UGGT1: variants seen among roughly 807,000 people sequenced by gnomAD.
UGGT1 encodes the protein UDP-glucose:glycoprotein glucosyltransferase 1.
Under a neutral mutation model 203.9 loss-of-function variants are expected in UGGT1, and 107 were observed. The ratio of observed to expected loss-of-function variants is 0.52; its 90% CI spans 0.45 to 0.62. UGGT1 has a LOEUF of 0.62. Among genes scored for constraint, UGGT1 ranks in the 20% least tolerant of loss-of-function variants. The pLI is 0.00. For missense variants in UGGT1, 1,673 were observed against 1,867.2 expected (o/e 0.90, Z 1.92); for synonymous variants, 628 against 653.5 (o/e 0.96, Z 0.59).
chr2:128,142,895 C>G (rs561710948), intron 16 of UGGT1, among the ~76,000 whole-genome samples, 199 bp from the exon 17 acceptor site: 7 of 151,178 alleles, frequency 4.6e-5, no homozygotes, highest in Admixed American at 4.0e-4. Flanking sequence ...ACAGGAGATT[C>G]ACACGAATCC....
At chr2:128,135,561 A>G (rs942136418) in intron 15 of UGGT1, among the ~76,000 whole-genome samples, 4 of 152,252 alleles carry the variant, frequency 2.6e-5, no homozygotes. Flanking sequence ...GAAAATAAAG[A>G]AGAAAATAAC....
chr2:128,173,851 C>G lies in UGGT1; in HGVS notation c.3365C>G (p.Thr1122Ser), dbSNP rs1272643285. 4.3e-6 allele frequency: 7 copies of G among 1,614,180 alleles called. No homozygotes were observed. The highest frequency in any genetic ancestry group is 5.9e-6 in the Non-Finnish European group (7 of 1,180,034). ...LLLEGHCYDI[T>S]TGQPPRGLQF... is the part of the protein sequence containing the mutation. Reference sequence around the variant, plus strand: ...CTGGAAGGTCATTGCTACGACATCACCACAGGCCAGCCTCCACGGGGACTA... The same window carrying G: ...CTGGAAGGTCATTGCTACGACATCAGCACAGGCCAGCCTCCACGGGGACTA... The change falls in exon 30 of 41, where the codon ACC (threonine) becomes AGC (serine). Residue 1122 changes from threonine (T) to serine (S), a missense_variant. Transcript: ENST00000259253.
chr2:128,186,666 T>G lies in UGGT1; in HGVS notation c.4360-17T>G. 6.3e-7 allele frequency: 1 copy of G among 1,574,816 alleles called. No homozygotes were observed. On this transcript the variant is annotated splice_polypyrimidine_tract_variant and intron_variant, in intron 38 of 40. Transcript: ENST00000259253. ...TAGATACATGTATTTTATTTTTATTTTTTTTTAACCAAACAGGATCTGCCC... is the reference window on the plus strand; with the variant it reads ...TAGATACATGTATTTTATTTTTATTGTTTTTTAACCAAACAGGATCTGCCC...
chr2:128,120,343 A>G lies in UGGT1; in HGVS notation c.873-13A>G, dbSNP rs761002944. 1 of 1,605,192 alleles carries G rather than the reference A, an allele frequency of 6.2e-7. No homozygotes were observed. The highest frequency in any genetic ancestry group is 1.1e-5 in the South Asian group (1 of 89,450). On this transcript the variant is annotated splice_polypyrimidine_tract_variant and intron_variant, in intron 8 of 40. Transcript: ENST00000259253. ...AAAATAATGAAAAGGACTGATTTTTATGTTTCTTTTAGAGATCTGCACCCC... is the reference window on the plus strand; with the variant it reads ...AAAATAATGAAAAGGACTGATTTTTGTGTTTCTTTTAGAGATCTGCACCCC...
intron 3 of UGGT1, 105 bp from the exon 4 acceptor site, chr2:128,107,824 GGTAAAACTT>G (rs1687671342): frequency 1.4e-6 from 2 of 1,409,260 alleles, no homozygotes; most frequent in Admixed American, 3.8e-5. Context: ...ACAATATACT[GGTAAAACTT>G]GCCTTCACAT....
intron 7 of UGGT1, among the ~76,000 whole-genome samples, chr2:128,115,898 A>T (rs1402816057): frequency 1.3e-5 from 2 of 152,216 alleles, no homozygotes; most frequent in African/African-American, 4.8e-5. Flanking sequence ...TTGACTAATT[A>T]TAAATTCTTC....
chr2:128,094,993 C>T (rs1687045832), intron 1 of UGGT1, among the ~76,000 whole-genome samples: 1 of 152,090 alleles, frequency 6.6e-6, no homozygotes, highest in Admixed American at 6.6e-5. Context: ...AGGTGATCCA[C>T]CCACCTCAGC....
At chr2:128,129,218 C>A in intron 13 of UGGT1, 39 bp downstream of exon 13, 1 of 1,566,904 alleles carries the variant, frequency 6.4e-7, no homozygotes, top group African/African-American at 1.4e-5. Context: ...ACTTTCTGAC[C>A]AGGAATCTTT....
intron 25 of UGGT1, 65 bp downstream of exon 25, chr2:128,161,333 G>GA: frequency 6.4e-7 from 1 of 1,566,736 alleles, no homozygotes; most frequent in Non-Finnish European, 8.7e-7. Flanking sequence ...TGATCAGTTA[G>GA]AATTATATGT....
intron 14 of UGGT1, among the ~76,000 whole-genome samples, chr2:128,133,909 C>G (rs1248272091): frequency 2.0e-5 from 3 of 152,046 alleles, no homozygotes; most frequent in Non-Finnish European, 4.4e-5. Flanking sequence ...CCCACTTTTT[C>G]CCTCTCATTT....
intron 17 of UGGT1, among the ~76,000 whole-genome samples, chr2:128,144,320 A>T (rs1689576392): frequency 6.6e-6 from 1 of 152,220 alleles, no homozygotes; most frequent in Non-Finnish European, 1.5e-5. Context: ...GCTGTTTGAT[A>T]ATTGTGCTGC....
chr2:128,164,525 T>C (rs972482025), intron 25 of UGGT1, among the ~76,000 whole-genome samples: 1 of 152,238 alleles, frequency 6.6e-6, no homozygotes, highest in Non-Finnish European at 1.5e-5. Flanking sequence ...GCGTGGGTGC[T>C]GTCTCCATTT....
chr2:128,124,394 T>C (rs1334960345), intron 11 of UGGT1, among the ~76,000 whole-genome samples: 1 of 152,204 alleles, frequency 6.6e-6, no homozygotes, highest in Non-Finnish European at 1.5e-5. Flanking sequence ...CTGAAGCCTT[T>C]GTATGAGATC....
At chr2:128,123,050 T>G in intron 10 of UGGT1, 136 bp from the exon 11 acceptor site, 1 of 556,052 alleles carries the variant, frequency 1.8e-6, no homozygotes, top group Non-Finnish European at 3.1e-6. Flanking sequence ...TATTTATCAA[T>G]TATAAAAATT....
intron 16 of UGGT1, among the ~76,000 whole-genome samples, chr2:128,142,640 G>A (rs989907346): frequency 1.3e-5 from 2 of 149,768 alleles, no homozygotes; most frequent in Non-Finnish European, 3.0e-5. Context: ...ATCTTAGTAA[G>A]GTATATGGAA....
chr2:128,182,121 A>G lies in UGGT1; in HGVS notation c.4084-9A>G, dbSNP rs17793615. 0.21 allele frequency: 332,209 copies of G among 1,609,782 alleles called. 36,495 individuals carry two copies. The highest frequency in any genetic ancestry group is 0.32 in the South Asian group (28,596 of 90,496). On this transcript the variant is annotated splice_polypyrimidine_tract_variant and intron_variant, in intron 36 of 40. Coordinates refer to ENST00000259253, the MANE Select transcript of UGGT1 (RefSeq NM_020120.4). ...GGTTGCTTAACAAATGACTTTTTAT[A>G]TTCTCCAGATTGTACGAACAGATCT...
chr2:128,171,253 C>T lies in UGGT1; in HGVS notation c.3073C>T (p.Gln1025Ter), dbSNP rs757882355. The change falls in exon 28 of 41, where the codon CAA becomes TAA. Residue 1025 changes from glutamine (Q) to a stop codon, truncating the protein, a stop_gained. Coordinates refer to ENST00000259253, the MANE Select transcript of UGGT1 (RefSeq NM_020120.4). LOFTEE classifies it high-confidence loss of function. ...GAATCTGAGAGTATTTATGAACTGC[C>T]AATCCAAACTTTCTGACATGCCTTT... The part of the protein sequence containing the change: ...NMNLRVFMNC[Q>*]SKLSDMPLKS... 1.2e-6 allele frequency: 2 copies of T among 1,613,192 alleles called. No individual in the cohort carries two copies. The highest frequency in any genetic ancestry group is 1.7e-6 in the Non-Finnish European group (2 of 1,179,730).
At chr2:128,174,750 C>G (rs766625818) in intron 30 of UGGT1, 23 bp from the exon 31 acceptor site, 3 of 1,594,760 alleles carry the variant, frequency 1.9e-6, no homozygotes, top group Non-Finnish European at 2.6e-6. Flanking sequence ...AGAGAGCTAA[C>G]TGGACTTTTC....
chr2:128,139,275 C>T (rs1689292334), intron 16 of UGGT1, among the ~76,000 whole-genome samples: 1 of 151,988 alleles, frequency 6.6e-6, no homozygotes, highest in Non-Finnish European at 1.5e-5. Flanking sequence ...TTTTTGAGAC[C>T]AGATCTTGTT....
Sources: allele counts gnomAD v4.1 joint callset (sites outside exome capture counted in the v4.1 genomes callset), GRCh38; gene constraint gnomAD v4.1.1; transcripts MANE v1.5; gene names NCBI Gene and HGNC (gene_info 2026-07-23, HGNC 2026-07-21).